Variants in ZNF331 observed in about 807,000 individuals in gnomAD.
The protein encoded by ZNF331 is C2H2-like zinc finger protein rearranged in thyroid adenomas.
ZNF331 carries 2 observed loss-of-function variants against 7.0 expected under a neutral mutation model. The ratio of observed to expected loss-of-function variants is 0.29; its 90% CI spans 0.12 to 0.90. ZNF331 has a LOEUF of 0.90. Ranked by LOEUF, ZNF331 falls within the 40% of genes least tolerant of loss-of-function variation. The pLI, the probability that ZNF331 is intolerant of heterozygous loss-of-function variation, is 0.58. For missense variants in ZNF331, 432 were observed against 587.7 expected, an observed-to-expected ratio of 0.74 and a Z score of 2.74; for synonymous variants, 196 against 205.4, an observed-to-expected ratio of 0.95 and a Z score of 0.39.
chr19:53,551,197 T>C (rs2147419356), intron 2 of ZNF331, among the ~76,000 whole-genome samples: 1 of 152,204 alleles, frequency 6.6e-6, no homozygotes, highest in South Asian at 2.1e-4. Context: ...GCAGGCCAAC[T>C]GCAAAAAAAT....
chr19:53,532,991 T>A (rs1387933945), intron 2 of ZNF331, among the ~76,000 whole-genome samples: 1 of 152,124 alleles, frequency 6.6e-6, no homozygotes, highest in Non-Finnish European at 1.5e-5. Flanking sequence ...TCTTCCCATA[T>A]TGTTTATTTA....
At chr19:53,514,929 G>T (rs1429094569), upstream of ZNF331, among the ~76,000 whole-genome samples, 1 of 152,116 alleles carries the variant, frequency 6.6e-6, no homozygotes, top group African/African-American at 2.4e-5. Flanking sequence ...GATTACAGGC[G>T]GGAGCCATGG....
Position 53,560,385 on chromosome 19 carries a change from A to G in ZNF331, c.-74+4477A>G, listed in dbSNP as rs957434552. Reference sequence around the variant, plus strand: ...TATACACACCCACAGATAGACACACATATACACAAACATACACACAATTAT... The same window carrying G: ...TATACACACCCACAGATAGACACACGTATACACAAACATACACACAATTAT... On this transcript the variant is annotated intron_variant, in intron 3 of 5. Transcript: ENST00000449416. This position sits in a 1 kb window ranked among gnomAD's most constrained non-coding sequence, Gnocchi z 4.3. 6.6e-6 allele frequency among the ~76,000 whole-genome samples: 1 copy of G among 152,134 alleles called. No individual in the cohort carries two copies. Among genetic ancestry groups the G allele is most frequent in the African/African-American group, 2.4e-5 (1 of 41,410 alleles).
At chr19:53,544,398 A>G (rs1600293498) in intron 2 of ZNF331, among the ~76,000 whole-genome samples, 5 of 134,322 alleles carry the variant, frequency 3.7e-5, no homozygotes, top group Admixed American at 7.6e-5. Flanking sequence ...ACAAAAAATT[A>G]GCCGGGCGAG....
At chr19:53,512,663 T>C in the ZNF331 span, 3 of 149,920 alleles carry the variant, frequency 2.0e-5, no homozygotes, top group Admixed American at 6.7e-5. Context: ...TCCCCATGGG[T>C]GGCCTGTTAG....
chr19:53,524,782 G>A (rs1436589864), intron 2 of ZNF331, among the ~76,000 whole-genome samples: 2 of 152,092 alleles, frequency 1.3e-5, no homozygotes, highest in Non-Finnish European at 2.9e-5. Context: ...GATCCCATTT[G>A]TCTATTTTGG....
At chr19:53,576,332 A>G (rs1287485448) in intron 5 of ZNF331, among the ~76,000 whole-genome samples, 1 of 152,220 alleles carries the variant, frequency 6.6e-6, no homozygotes, top group East Asian at 1.9e-4. Flanking sequence ...TACGTGTATC[A>G]GTTTCAGAAT....
intron 3 of ZNF331, among the ~76,000 whole-genome samples, chr19:53,559,139 TAC>T (rs892384354): frequency 2.1e-5 from 3 of 141,402 alleles, no homozygotes; most frequent in South Asian, 2.2e-4. Flanking sequence ...ACACCCCATG[TAC>T]ACACACATAT....
upstream of ZNF331, among the ~76,000 whole-genome samples, chr19:53,518,239 ACAT>A (rs1664506096): frequency 6.6e-6 from 1 of 152,258 alleles, no homozygotes; most frequent in Admixed American, 6.5e-5. Flanking sequence ...CTGCCCTTGG[ACAT>A]CAGATTCCAG....
At chr19:53,540,319 G>C (rs1169104888) in intron 2 of ZNF331, among the ~76,000 whole-genome samples, 1 of 152,220 alleles carries the variant, frequency 6.6e-6, no homozygotes, top group African/African-American at 2.4e-5. Context: ...CCCTTTTCCA[G>C]GTTGGAGACT....
At chr19:53,530,816 G>A (rs1159726355) in intron 2 of ZNF331, among the ~76,000 whole-genome samples, 3 of 152,238 alleles carry the variant, frequency 2.0e-5, no homozygotes, top group Non-Finnish European at 2.9e-5. Flanking sequence ...ACGCACTTGC[G>A]TGGGCGTGTG....
Position 53,577,457 on chromosome 19 carries a change from T to C in ZNF331, c.897T>C (p.Tyr299=), listed in dbSNP as rs769485748. 9 of 1,614,142 alleles carry C rather than the reference T, an allele frequency of 5.6e-6. No individual in the cohort carries two copies. Among genetic ancestry groups the C allele is most frequent in the Non-Finnish European group, 6.8e-6 (8 of 1,180,036 alleles). ...HKRIHTGEKP[Y]ECQECGKAFT... ...GAATTCACACAGGTGAGAAACCCTA[T>C]GAATGTCAAGAATGTGGGAAGGCCT... is the stretch of plus-strand genomic sequence containing the variant. The change falls in exon 6 of 6, where the codon TAT becomes TAC. Residue 299 remains tyrosine (Y), a synonymous_variant. Coordinates refer to ENST00000449416, the MANE Select transcript of ZNF331 (RefSeq NM_001079906.2).
Position 53,578,078 on chromosome 19 carries a change from C to A in ZNF331, c.*126C>A, listed in dbSNP as rs186407243. 22 of 1,218,770 alleles carry A rather than the reference C, an allele frequency of 1.8e-5. No individual in the cohort carries two copies. In the East Asian group the frequency reaches 2.3e-4, roughly 13 times the overall value. The allele number at this position is 1,218,770 out of a possible 1,614,324, so 75.5% of individuals were successfully genotyped here. The stretch of plus-strand genomic sequence containing the variant: ...TCCAGAAATAAAGAATTTTAAGTCT[C>A]AAATGGTGTGCCCTTCTGAGTAGCG... On this transcript the variant is annotated 3_prime_UTR_variant, in exon 6 of 6. Coordinates refer to ENST00000449416, the MANE Select transcript of ZNF331 (RefSeq NM_001079906.2).
intron 2 of ZNF331, among the ~76,000 whole-genome samples, chr19:53,548,673 G>A (rs189940105): frequency 6.6e-6 from 1 of 152,142 alleles, no homozygotes; most frequent in African/African-American, 2.4e-5. Flanking sequence ...GTTTGATGTA[G>A]TCCCATTTGC....
At chr19:53,527,605 C>A (rs1411911004) in intron 2 of ZNF331, among the ~76,000 whole-genome samples, 1 of 152,182 alleles carries the variant, frequency 6.6e-6, no homozygotes, top group Non-Finnish European at 1.5e-5. Context: ...CCCACTCCCC[C>A]ACTAAACACG....
upstream of ZNF331, among the ~76,000 whole-genome samples, chr19:53,517,281 A>G (rs542498611): frequency 3.3e-5 from 5 of 152,322 alleles, no homozygotes; most frequent in Admixed American, 3.3e-4. Flanking sequence ...AAAAGACTCC[A>G]TCTTACATTT....
intron 4 of ZNF331, among the ~76,000 whole-genome samples, chr19:53,569,724 C>T (rs2090343348): frequency 6.6e-6 from 1 of 152,098 alleles, no homozygotes; most frequent in Non-Finnish European, 1.5e-5. Flanking sequence ...AGAAACAGAT[C>T]CTCCACTGAT....
At chr19:53,559,384 A>G (rs1338363369) in intron 3 of ZNF331, among the ~76,000 whole-genome samples, 2 of 151,468 alleles carry the variant, frequency 1.3e-5, no homozygotes, top group Non-Finnish European at 3.0e-5. Flanking sequence ...CCCCATATAT[A>G]CACATACACA....
At chr19:53,566,561 A>G (rs922226221) in intron 3 of ZNF331, among the ~76,000 whole-genome samples, 3 of 151,976 alleles carry the variant, frequency 2.0e-5, no homozygotes, top group Non-Finnish European at 4.4e-5. Flanking sequence ...GGTTCCGTGT[A>G]AACCACATTG....
Sources: gnomAD v4.1 joint callset for allele counts (sites outside exome capture counted in the v4.1 genomes callset) on GRCh38, gnomAD v4.1.1 for gene constraint, Gnocchi (gnomAD v3.1) non-coding constraint, MANE v1.5 for transcripts, NCBI Gene and HGNC (gene_info 2026-07-23, HGNC 2026-07-21) for gene names.